The following IMMP1L variants were observed in gnomAD, a reference collection of about 807,000 sequenced individuals.
The protein encoded by IMMP1L is mitochondrial inner membrane protease subunit 1.
Under a neutral mutation model 21.8 loss-of-function variants are expected in IMMP1L, and 24 were observed. The ratio of observed to expected loss-of-function variants is 1.10; its 90% CI spans 0.80 to 1.55. The LOEUF (loss-of-function observed/expected upper bound fraction) is 1.55, where lower values mean the gene tolerates loss of function less well. Ranked by LOEUF, IMMP1L falls within the 40% of genes most tolerant of loss-of-function variation. The pLI, the probability that IMMP1L is intolerant of heterozygous loss-of-function variation, is 0.00. For missense variants in IMMP1L, 195 were observed against 200.7 expected (o/e 0.97, Z 0.17); for synonymous variants, 46 against 62.8 (o/e 0.73, Z 1.26).
At chr11:31,491,339 T>C (rs1341799115) in intron 1 of IMMP1L, among the ~76,000 whole-genome samples, 1 of 152,116 alleles carries the variant, frequency 6.6e-6, no homozygotes, top group Non-Finnish European at 1.5e-5. Flanking sequence ...ATGAACAGAA[T>C]GTTGACAGAA....
At chr11:31,502,803 C>A (rs1955663138) in intron 1 of IMMP1L, among the ~76,000 whole-genome samples, 2 of 152,232 alleles carry the variant, frequency 1.3e-5, no homozygotes, top group South Asian at 4.1e-4. Flanking sequence ...GAATGACATA[C>A]AAATGTTGGG....
At chr11:31,497,048 A>T (rs1955466065) in intron 1 of IMMP1L, among the ~76,000 whole-genome samples, 1 of 149,938 alleles carries the variant, frequency 6.7e-6, no homozygotes. Context: ...ATTACATATT[A>T]TATATATATA....
intron 1 of IMMP1L, among the ~76,000 whole-genome samples, chr11:31,482,702 G>T (rs908270724): frequency 6.6e-6 from 1 of 151,974 alleles, no homozygotes; most frequent in African/African-American, 2.4e-5. Context: ...GGAAAAAAAC[G>T]AGTGTTGGAA....
intron 1 of IMMP1L, among the ~76,000 whole-genome samples, chr11:31,491,856 A>C (rs1955265385): frequency 6.6e-6 from 1 of 152,192 alleles, no homozygotes; most frequent in Admixed American, 6.5e-5. Context: ...GATCCTCTAG[A>C]CATACATGGG....
chr11:31,476,701 A>T (rs1050808703), intron 1 of IMMP1L, among the ~76,000 whole-genome samples: 1 of 152,132 alleles, frequency 6.6e-6, no homozygotes, highest in Non-Finnish European at 1.5e-5. Flanking sequence ...GTACTCTAAG[A>T]TCATAACACT....
At chr11:31,436,896 T>G (rs1384745340) in intron 4 of IMMP1L, among the ~76,000 whole-genome samples, 2 of 152,234 alleles carry the variant, frequency 1.3e-5, no homozygotes, top group African/African-American at 4.8e-5. Context: ...TGAGACATGC[T>G]AACTCCTCAT....
At chr11:31,482,232 A>T (rs1243726484) in intron 1 of IMMP1L, among the ~76,000 whole-genome samples, 2 of 152,106 alleles carry the variant, frequency 1.3e-5, no homozygotes, top group Non-Finnish European at 2.9e-5. Flanking sequence ...ATACAGACTG[A>T]AATTTTAAAT....
chr11:31,473,043 T>TGTC (rs1194526745), intron 1 of IMMP1L, among the ~76,000 whole-genome samples: 1 of 151,358 alleles, frequency 6.6e-6, no homozygotes, highest in Non-Finnish European at 1.5e-5. Flanking sequence ...TTTTTGTTGT[T>TGTC]GTTGTTGTTG....
At chr11:31,455,814 CT>C (rs1477289871) in intron 4 of IMMP1L, among the ~76,000 whole-genome samples, 11 of 151,840 alleles carry the variant, frequency 7.2e-5, no homozygotes, top group African/African-American at 2.7e-4. Context: ...CTTTTTTTTC[CT>C]GCAAGTGCCC....
At chr11:31,478,551 T>C (rs1213155788) in intron 1 of IMMP1L, among the ~76,000 whole-genome samples, 2 of 152,180 alleles carry the variant, frequency 1.3e-5, no homozygotes, top group Non-Finnish European at 2.9e-5. Flanking sequence ...GTTTAACATT[T>C]TGTGCCAACA....
chr11:31,501,717 G>T (rs1955622564), intron 1 of IMMP1L, among the ~76,000 whole-genome samples: 1 of 152,056 alleles, frequency 6.6e-6, no homozygotes, highest in African/African-American at 2.4e-5. Flanking sequence ...ACTTTGGGAG[G>T]CCGAGGCAGG....
chr11:31,433,652 T>G, intron 4 of IMMP1L, 82 bp from the exon 5 acceptor site: 1 of 772,584 alleles, frequency 1.3e-6, no homozygotes, highest in African/African-American at 1.7e-5. Context: ...CATTCAGAGG[T>G]AGGGAGAAAT....
At chr11:31,473,261 G>A (rs1242290279) in intron 1 of IMMP1L, among the ~76,000 whole-genome samples, 1 of 152,146 alleles carries the variant, frequency 6.6e-6, no homozygotes, top group Non-Finnish European at 1.5e-5. Flanking sequence ...ATGTTAGCCA[G>A]GATGGTCTTC....
chr11:31,495,210 C>G (rs932590747), intron 1 of IMMP1L, among the ~76,000 whole-genome samples: 2 of 150,800 alleles, frequency 1.3e-5, no homozygotes, highest in African/African-American at 5.0e-5. Context: ...CAAAGCCATT[C>G]AACAAGTCTC....
intron 1 of IMMP1L, among the ~76,000 whole-genome samples, chr11:31,482,352 G>T (rs1443249525): frequency 6.6e-6 from 1 of 152,022 alleles, no homozygotes; most frequent in Non-Finnish European, 1.5e-5. Flanking sequence ...CATAAATGAT[G>T]AACTAGACTA....
intron 4 of IMMP1L, among the ~76,000 whole-genome samples, chr11:31,443,540 TTCTG>T (rs1953410037): frequency 6.6e-6 from 1 of 152,212 alleles, no homozygotes; most frequent in Admixed American, 6.5e-5. Context: ...CTTGCCCACA[TTCTG>T]TCTACCTGAG....
intron 1 of IMMP1L, among the ~76,000 whole-genome samples, chr11:31,501,389 A>T (rs1005517293): frequency 6.6e-6 from 1 of 152,142 alleles, no homozygotes; most frequent in Non-Finnish European, 1.5e-5. Context: ...AAAATTATAA[A>T]TGAGATTGAG....
chr11:31,450,823 T>C (rs1953730178), intron 4 of IMMP1L, among the ~76,000 whole-genome samples: 1 of 152,126 alleles, frequency 6.6e-6, no homozygotes, highest in African/African-American at 2.4e-5. Context: ...TAGCACCCTA[T>C]TCATATATAT....
intron 1 of IMMP1L, among the ~76,000 whole-genome samples, chr11:31,471,419 T>C (rs796934617): frequency 2.0e-5 from 3 of 152,272 alleles, no homozygotes; most frequent in African/African-American, 7.2e-5. Flanking sequence ...AAACCATTAT[T>C]TCTATCTTGT....
Sources: gnomAD v4.1 joint callset for allele counts (sites outside exome capture counted in the v4.1 genomes callset) on GRCh38, gnomAD v4.1.1 for gene constraint, MANE v1.5 for transcripts, NCBI Gene and HGNC (gene_info 2026-07-23, HGNC 2026-07-21) for gene names.